Variants in COBL observed in about 807,000 individuals in gnomAD.
COBL encodes the protein protein cordon-bleu.
Under a neutral mutation model 98.8 loss-of-function variants are expected in COBL, and 51 were observed. The observed-to-expected ratio is 0.52, with a 90% CI of 0.41 to 0.65. The LOEUF (loss-of-function observed/expected upper bound fraction) is 0.65. COBL is among the 30% of genes least tolerant of loss of function. The pLI is 0.00. For missense variants in COBL, 1,617 were observed against 1,617.5 expected, an observed-to-expected ratio of 1.00 and a Z score of 0.01; for synonymous variants, 634 against 651.7, an observed-to-expected ratio of 0.97 and a Z score of 0.41.
rs147418525 is a variant in COBL at position 51,079,033 on chromosome 7, A to G, written c.1096+6133T>C. The stretch of plus-strand genomic sequence containing the variant: ...CATCCCACTACCTTTGCCATATTCT[A>G]TTCCTTAGATAGGAGTCACTAAGTA... On this transcript the variant is annotated intron_variant, in intron 7 of 12. Transcript: ENST00000265136. 3.6e-3 allele frequency among the ~76,000 whole-genome samples: 541 copies of G among 152,332 alleles called. 3 individuals are homozygous for G. The highest frequency in any genetic ancestry group is 0.013 in the African/African-American group (520 of 41,572).
intron 5 of COBL, among the ~76,000 whole-genome samples, chr7:51,147,480 T>C (rs1299308946): frequency 2.0e-5 from 3 of 152,194 alleles, no homozygotes; most frequent in South Asian, 2.1e-4. Context: ...CTTACTGCTG[T>C]ATCTGGTTTC....
intron 7 of COBL, among the ~76,000 whole-genome samples, chr7:51,046,737 G>A (rs1285419976): frequency 6.6e-6 from 1 of 152,148 alleles, no homozygotes. Flanking sequence ...CAGATCCTGT[G>A]TGTGTCCCAT....
At chr7:51,165,128 T>C (rs1049825547) in intron 5 of COBL, among the ~76,000 whole-genome samples, 1 of 151,804 alleles carries the variant, frequency 6.6e-6, no homozygotes. Context: ...TCCTTACTTA[T>C]CAATAACATT....
intron 1 of COBL, among the ~76,000 whole-genome samples, chr7:51,313,216 A>G (rs562700961): frequency 6.6e-6 from 1 of 151,778 alleles, no homozygotes; most frequent in South Asian, 2.1e-4. Flanking sequence ...CTAGAAACCT[A>G]AGCTTCCTAT....
chr7:51,148,838 C>T (rs554186394), intron 5 of COBL, among the ~76,000 whole-genome samples: 7 of 150,454 alleles, frequency 4.7e-5, no homozygotes, highest in East Asian at 1.9e-4. Flanking sequence ...AGACACCCCC[C>T]GGAGGACCAC....
intron 6 of COBL, among the ~76,000 whole-genome samples, chr7:51,103,657 A>G (rs1796007979): frequency 6.6e-6 from 1 of 152,196 alleles, no homozygotes; most frequent in African/African-American, 2.4e-5. Flanking sequence ...TTTCCTCCAA[A>G]TGATTAGCTT....
intron 1 of COBL, among the ~76,000 whole-genome samples, chr7:51,306,471 G>A (rs982071589): frequency 6.6e-6 from 1 of 152,146 alleles, no homozygotes; most frequent in Non-Finnish European, 1.5e-5. Flanking sequence ...ACAGAGCAGA[G>A]CTCTGTGTTT....
chr7:51,048,613 T>C, intron 7 of COBL, among the ~76,000 whole-genome samples: 1 of 152,260 alleles, frequency 6.6e-6, no homozygotes, highest in East Asian at 1.9e-4. Context: ...TTATCCTAAC[T>C]GAATGTACTT....
intron 3 of COBL, among the ~76,000 whole-genome samples, chr7:51,191,562 C>T (rs545456036): frequency 7.1e-4 from 106 of 150,332 alleles, no homozygotes; most frequent in Admixed American, 1.5e-3. Context: ...TATATAAATA[C>T]ATATATACTG....
At chr7:51,205,118 T>A (rs963524730) in intron 2 of COBL, among the ~76,000 whole-genome samples, 2 of 152,332 alleles carry the variant, frequency 1.3e-5, no homozygotes, top group African/African-American at 2.4e-5. Context: ...ATGCAATCCC[T>A]ATCAAAATCC....
At chr7:51,020,047 C>A (rs954581803) in intron 12 of COBL, among the ~76,000 whole-genome samples, 3 of 152,196 alleles carry the variant, frequency 2.0e-5, no homozygotes, top group Non-Finnish European at 2.9e-5. Flanking sequence ...TTAATTCCTG[C>A]CGTGGGAAAA....
intron 1 of COBL, among the ~76,000 whole-genome samples, chr7:51,307,294 A>G (rs886472392): frequency 2.0e-5 from 3 of 152,206 alleles, no homozygotes; most frequent in Non-Finnish European, 4.4e-5. Context: ...GGTTGCAGTG[A>G]GCTGAGATCA....
At chr7:51,314,461 T>C (rs1338603118) in intron 1 of COBL, among the ~76,000 whole-genome samples, 1 of 152,214 alleles carries the variant, frequency 6.6e-6, no homozygotes, top group Non-Finnish European at 1.5e-5. Flanking sequence ...CCACCAATAA[T>C]GTACTAAAGC....
intron 12 of COBL, among the ~76,000 whole-genome samples, chr7:51,024,050 C>T (rs949833500): frequency 1.2e-4 from 18 of 152,324 alleles, no homozygotes; most frequent in African/African-American, 4.1e-4. Context: ...TGGCTCACGC[C>T]TGTAATCCCA....
intron 2 of COBL, among the ~76,000 whole-genome samples, chr7:51,194,860 GGTTTT>G (rs2074633230): frequency 1.3e-5 from 2 of 151,586 alleles, no homozygotes; most frequent in Admixed American, 6.6e-5. Flanking sequence ...GTTTTTAATG[GGTTTT>G]GTTTTTTTTT....
At chr7:51,102,079 A>G (rs1321352854) in intron 6 of COBL, among the ~76,000 whole-genome samples, 1 of 152,230 alleles carries the variant, frequency 6.6e-6, no homozygotes, top group Non-Finnish European at 1.5e-5. Context: ...GAGATCACTC[A>G]TCAGTCACCG....
Position 51,136,276 on chromosome 7 carries a change from C to T in COBL, c.839G>A (p.Gly280Asp), listed in dbSNP as rs1458341870. 6.2e-7 allele frequency: 1 copy of T among 1,614,042 alleles called. No individual in the cohort carries two copies. The highest frequency in any genetic ancestry group is 8.5e-7 in the Non-Finnish European group (1 of 1,180,010). ...GATGCTGCCCAGCGAGAGGGATGGA[C>T]CCAGCGTAAGAGAACGTGAGTGCAT... Reference protein sequence around the residue: ...PSMHSRSLTLGPSLSLGSISG... With the variant: ...PSMHSRSLTLDPSLSLGSISG... The change falls in exon 6 of 13, where the codon GGT becomes GAT. Residue 280 changes from glycine (G) to aspartate (D), a missense_variant. Transcript: ENST00000265136.
chr7:51,187,893 G>A, intron 4 of COBL: 1 of 1,232,158 alleles, frequency 8.1e-7, no homozygotes, highest in Non-Finnish European at 1.0e-6. Flanking sequence ...GCGGGAGCGG[G>A]AAGCCCCAGG....
intron 11 of COBL, among the ~76,000 whole-genome samples, chr7:51,025,598 A>G (rs1239158974): frequency 4.6e-5 from 7 of 152,166 alleles, no homozygotes; most frequent in African/African-American, 1.7e-4. Context: ...GGCACTGTCT[A>G]TGAACCAGAA....
Sources: allele counts gnomAD v4.1 joint callset (sites outside exome capture counted in the v4.1 genomes callset), GRCh38; gene constraint gnomAD v4.1.1; transcripts MANE v1.5; gene names NCBI Gene and HGNC (gene_info 2026-07-23, HGNC 2026-07-21).